AIG1: variants seen among roughly 807,000 people sequenced by gnomAD.
The protein encoded by AIG1 is androgen induced 1.
AIG1 carries 23 observed loss-of-function variants against 31.4 expected under a neutral mutation model. That is an observed-to-expected ratio of 0.73 (90% CI 0.53 to 1.04). The LOEUF (loss-of-function observed/expected upper bound fraction) is 1.04. AIG1 is among the 50% of genes least tolerant of loss of function. The pLI, the probability that AIG1 is intolerant of heterozygous loss-of-function variation, is 0.00. For synonymous variants in AIG1, 100 were observed against 110.5 expected (o/e 0.90, Z 0.60); for missense variants, 274 against 295.0 (o/e 0.93, Z 0.52).
intron 2 of AIG1, among the ~76,000 whole-genome samples, chr6:143,145,519 A>T (rs568660832): frequency 6.7e-6 from 1 of 150,274 alleles, no homozygotes; most frequent in Non-Finnish European, 1.5e-5. Flanking sequence ...ATGTCTCTTC[A>T]TCAGGTGAAG....
At chr6:143,240,748 A>G (rs929664466) in intron 3 of AIG1, among the ~76,000 whole-genome samples, 1 of 152,252 alleles carries the variant, frequency 6.6e-6, no homozygotes, top group Non-Finnish European at 1.5e-5. Context: ...TTAAAAAACC[A>G]GACAATATTC....
At chr6:143,140,208 G>C (rs560879899) in intron 2 of AIG1, among the ~76,000 whole-genome samples, 1 of 152,078 alleles carries the variant, frequency 6.6e-6, no homozygotes, top group East Asian at 1.9e-4. Flanking sequence ...GGAAAAACTC[G>C]CCCCCATGAT....
intron 3 of AIG1, among the ~76,000 whole-genome samples, chr6:143,240,793 G>T (rs1413865603): frequency 1.3e-5 from 2 of 152,150 alleles, no homozygotes; most frequent in African/African-American, 4.8e-5. Context: ...CAATGGGAAA[G>T]TGGCTTTAAA....
At chr6:143,087,929 G>A (rs533575556) in intron 1 of AIG1, among the ~76,000 whole-genome samples, 12 of 152,186 alleles carry the variant, frequency 7.9e-5, no homozygotes, top group East Asian at 3.9e-4. Context: ...CAGATCTTTC[G>A]CCACATATCT....
intron 3 of AIG1, among the ~76,000 whole-genome samples, chr6:143,261,587 A>G (rs1795783249): frequency 6.6e-6 from 1 of 152,246 alleles, no homozygotes; most frequent in Non-Finnish European, 1.5e-5. Context: ...AAAAAAATCT[A>G]TTAAAAAGCA....
rs1229386991 is a variant in AIG1 at position 143,333,563 on chromosome 6, A to G, written c.679+118A>G. On this transcript the variant is annotated intron_variant, in intron 5 of 5. Coordinates refer to ENST00000357847, the MANE Select transcript of AIG1 (RefSeq NM_016108.4). This position sits in a 1 kb window ranked among gnomAD's most constrained non-coding sequence, Gnocchi z 4.6. ...TTTTAGCCTTCACACAGGATCTCCT[A>G]TAAAGAGCTCCATTTTTAAAACTAC... The G allele has an allele frequency of 1.0e-6, 1 of 989,764 alleles. No individual in the cohort carries two copies. The highest frequency in any genetic ancestry group is 2.3e-5 in the South Asian group (1 of 43,654). 61.3% of individuals were successfully genotyped at this position (989,764 alleles called of 1,614,324 possible).
At chr6:143,314,630 A>G (rs1279904475) in intron 4 of AIG1, among the ~76,000 whole-genome samples, 3 of 152,290 alleles carry the variant, frequency 2.0e-5, no homozygotes, top group Admixed American at 2.0e-4. Flanking sequence ...TCTATATGCA[A>G]TAAACTATAA....
chr6:143,179,464 G>A (rs1179150776), intron 3 of AIG1, among the ~76,000 whole-genome samples: 3 of 152,160 alleles, frequency 2.0e-5, no homozygotes, highest in Admixed American at 1.3e-4. Flanking sequence ...TTCAGAACAC[G>A]TCATCAACTC....
At chr6:143,093,960 A>C (rs993474200) in intron 1 of AIG1, 1 of 152,208 alleles carries the variant, frequency 6.6e-6, no homozygotes, top group African/African-American at 2.4e-5. Flanking sequence ...ACCATAACAG[A>C]TATAATAATA....
Position 143,330,373 on chromosome 6 carries a change from A to T in AIG1, c.516-2909A>T, listed in dbSNP as rs1168058026. ...CTGGAAAGGTGACATTTGAGTGAAAACCCGAAGGACACAAGGGAGCCCAAG... is the reference window on the plus strand; with the variant it reads ...CTGGAAAGGTGACATTTGAGTGAAATCCCGAAGGACACAAGGGAGCCCAAG... On this transcript the variant is annotated intron_variant, in intron 4 of 5. Coordinates refer to ENST00000357847, the MANE Select transcript of AIG1 (RefSeq NM_016108.4). The surrounding 1 kb of genome is among the most constrained non-coding windows in gnomAD (Gnocchi z 4.4). Among the ~76,000 whole-genome samples the T allele has an allele frequency of 3.9e-5, 6 of 152,022 alleles. No homozygotes were observed. Among genetic ancestry groups the T allele is most frequent in the Non-Finnish European group, 7.4e-5 (5 of 68,000 alleles).
intron 3 of AIG1, among the ~76,000 whole-genome samples, chr6:143,180,677 G>A (rs1426343805): frequency 6.6e-6 from 1 of 152,136 alleles, no homozygotes; most frequent in Non-Finnish European, 1.5e-5. Context: ...ACTGAAGAAG[G>A]TTAGGATATT....
chr6:143,186,081 G>C (rs1294181367), intron 3 of AIG1, among the ~76,000 whole-genome samples: 1 of 152,136 alleles, frequency 6.6e-6, no homozygotes, highest in Non-Finnish European at 1.5e-5. Context: ...TTGCCCAAGC[G>C]CTCACAGCCC....
At chr6:143,098,386 C>T (rs1355421163) in intron 1 of AIG1, among the ~76,000 whole-genome samples, 1 of 152,140 alleles carries the variant, frequency 6.6e-6, no homozygotes, top group African/African-American at 2.4e-5. Flanking sequence ...ACACTCTTAC[C>T]TTTCTTCTGA....
chr6:143,165,408 C>T (rs1267346287), intron 3 of AIG1, among the ~76,000 whole-genome samples: 4 of 152,070 alleles, frequency 2.6e-5, no homozygotes, highest in Non-Finnish European at 4.4e-5. Flanking sequence ...TAGATGAATC[C>T]ACAGATTATT....
intron 4 of AIG1, among the ~76,000 whole-genome samples, chr6:143,320,015 A>C (rs1562590268): frequency 6.6e-6 from 1 of 152,168 alleles, no homozygotes; most frequent in Non-Finnish European, 1.5e-5. Flanking sequence ...ATCCAATGCA[A>C]TAGCAAAAAA....
chr6:143,259,084 T>A (rs528958243), intron 3 of AIG1, among the ~76,000 whole-genome samples: 1 of 152,310 alleles, frequency 6.6e-6, no homozygotes, highest in East Asian at 1.9e-4. Context: ...TCTCTTCATG[T>A]GATCTCTTTG....
intron 2 of AIG1, 103 bp from the exon 3 acceptor site, chr6:143,164,979 A>G: frequency 1.2e-6 from 1 of 869,512 alleles, no homozygotes; most frequent in Admixed American, 2.1e-5. Flanking sequence ...CTTTCATCAT[A>G]GATTCCAAAT....
intron 2 of AIG1, among the ~76,000 whole-genome samples, chr6:143,151,185 A>G (rs1374497199): frequency 1.3e-5 from 2 of 152,206 alleles, no homozygotes; most frequent in East Asian, 1.9e-4. Flanking sequence ...AATTTCCACA[A>G]TAAGCACTTA....
At chr6:143,342,702 G>A (rs79060690), downstream of AIG1, 449 of 1,165,500 alleles carry the variant, frequency 3.9e-4, 2 homozygotes, top group South Asian at 6.5e-4. Context: ...GGAGACTTCA[G>A]AAAGGAGATT....
Sources: allele counts gnomAD v4.1 joint callset (sites outside exome capture counted in the v4.1 genomes callset), GRCh38; gene constraint gnomAD v4.1.1; non-coding constraint Gnocchi (gnomAD v3.1); transcripts MANE v1.5; gene names NCBI Gene and HGNC (gene_info 2026-07-23, HGNC 2026-07-21).